Variants in SEPHS1 observed in about 807,000 individuals in gnomAD.
SEPHS1 encodes the protein zincore component SEPHS1.
A neutral mutation model predicts 39.2 loss-of-function variants in SEPHS1; 7 were observed. The ratio of observed to expected loss-of-function variants is 0.18; its 90% CI spans 0.10 to 0.34. The LOEUF (loss-of-function observed/expected upper bound fraction) is 0.34, where lower values mean the gene tolerates loss of function less well. SEPHS1 is among the 10% of genes least tolerant of loss of function. The probability of loss-of-function intolerance (pLI) is 1.00; values close to 1 mark genes in which losing one functional copy is unlikely to be tolerated. For synonymous variants in SEPHS1, 190 were observed against 195.5 expected, an observed-to-expected ratio of 0.97 and a Z score of 0.23; for missense variants, 253 against 514.5, an observed-to-expected ratio of 0.49 and a Z score of 4.92.
chr10:13,322,034 A>G (rs1258481513), intron 8 of SEPHS1: 2 of 455,778 alleles, frequency 4.4e-6, no homozygotes, highest in Admixed American at 2.4e-5. Context: ...TTTATCCTCC[A>G]TTTATGTTTC....
chr10:13,322,716 G>T, intron 8 of SEPHS1, 119 bp downstream of exon 8: 2 of 920,178 alleles, frequency 2.2e-6, no homozygotes, highest in Non-Finnish European at 3.3e-6. Context: ...CGGAGGCCGA[G>T]GTCAGCAGCA....
At chr10:13,323,114 A>G in intron 7 of SEPHS1, 67 bp from the exon 8 acceptor site, 1 of 1,268,542 alleles carries the variant, frequency 7.9e-7, no homozygotes, top group Non-Finnish European at 1.1e-6. Context: ...TTACGTCCAC[A>G]ATTAATCTGC....
rs1449652172 is a variant in SEPHS1 at position 13,329,688 on chromosome 10, G to C, written c.651+10C>G. The C allele has an allele frequency of 6.3e-7, 1 of 1,591,382 alleles. No homozygotes were observed. The highest frequency in any genetic ancestry group is 1.8e-5 in the Admixed American group (1 of 56,544). ...TCCCCTCCCTCCCATCACAGCAGTG[G>C]TTTACTCACGATATCCAGCCACTGG... On this transcript the variant is annotated intron_variant, in intron 6 of 8. Transcript: ENST00000327347.
intron 2 of SEPHS1, chr10:13,340,707 G>A (rs1833755891): frequency 6.6e-6 from 1 of 152,176 alleles, no homozygotes; most frequent in South Asian, 2.1e-4. Context: ...TTTGTAAAGC[G>A]CTTTATTTCT....
chr10:13,346,264 C>A (rs1833918318), intron 1 of SEPHS1, among the ~76,000 whole-genome samples: 1 of 152,204 alleles, frequency 6.6e-6, no homozygotes, highest in Admixed American at 6.5e-5. Context: ...AGTTTACAAA[C>A]CTCCAGACTG....
intron 3 of SEPHS1, among the ~76,000 whole-genome samples, chr10:13,337,879 A>C (rs1449867577): frequency 6.6e-6 from 1 of 152,210 alleles, no homozygotes; most frequent in Non-Finnish European, 1.5e-5. Flanking sequence ...CTGGTACCTG[A>C]GGGTGAACAC....
At chr10:13,340,662 T>C (rs1449661439) in intron 2 of SEPHS1, 3 of 152,234 alleles carry the variant, frequency 2.0e-5, no homozygotes. Context: ...TGTTCTTAAT[T>C]TGAATAATCT....
intron 4 of SEPHS1, among the ~76,000 whole-genome samples, chr10:13,334,918 C>T (rs1833581957): frequency 6.6e-6 from 1 of 152,304 alleles, no homozygotes; most frequent in East Asian, 1.9e-4. Flanking sequence ...GCTTCCTAAG[C>T]ACAGGTCCCC....
chr10:13,338,580 G>C, intron 3 of SEPHS1, 125 bp downstream of exon 3: 1 of 707,186 alleles, frequency 1.4e-6, no homozygotes, highest in Non-Finnish European at 2.4e-6. Flanking sequence ...GCAGGGTGGG[G>C]CAGTATAGTC....
chr10:13,336,689 GT>G (rs1833646389), intron 3 of SEPHS1, among the ~76,000 whole-genome samples: 1 of 152,208 alleles, frequency 6.6e-6, no homozygotes, highest in African/African-American at 2.4e-5. Context: ...GGAGAAGCAA[GT>G]TTAGAACCGA....
chr10:13,335,735 T>G (rs1307004099), intron 4 of SEPHS1, among the ~76,000 whole-genome samples: 1 of 151,558 alleles, frequency 6.6e-6, no homozygotes, highest in East Asian at 1.9e-4. Flanking sequence ...ATCCCAGCAC[T>G]TTGGGATGCC....
rs937621443 is a variant in SEPHS1 at position 13,336,474 on chromosome 10, T to G, written c.298-124A>C. ...TTTCCAGGAGTAGCAGCTACTAGGA[T>G]GGGGTCCTCAGTTTCTATGATTTGC... On this transcript the variant is annotated intron_variant, in intron 3 of 8. Transcript: ENST00000327347. 6 of 727,188 alleles carry G rather than the reference T, an allele frequency of 8.3e-6. No homozygotes were observed. The African/African-American group carries it at 1.0e-4, about 13-fold the overall frequency. The allele number at this position is 727,188 out of a possible 1,614,324, so 45.0% of individuals were successfully genotyped here.
intron 2 of SEPHS1, among the ~76,000 whole-genome samples, chr10:13,341,488 G>C (rs1413695347): frequency 7.0e-6 from 1 of 143,364 alleles, no homozygotes; most frequent in Non-Finnish European, 1.5e-5. Flanking sequence ...TTACTTGATA[G>C]CTCCTAGGCA....
At chr10:13,346,805 A>C (rs1052941289) in intron 1 of SEPHS1, among the ~76,000 whole-genome samples, 30 of 152,262 alleles carry the variant, frequency 2.0e-4, no homozygotes, top group African/African-American at 7.2e-4. Context: ...GGCTCCCAAA[A>C]AGGTGGGGAG....
At chr10:13,323,200 A>C (rs1344723888) in intron 7 of SEPHS1, among the ~76,000 whole-genome samples, 153 bp from the exon 8 acceptor site, 1 of 152,198 alleles carries the variant, frequency 6.6e-6, no homozygotes, top group African/African-American at 2.4e-5. Context: ...AGACATAGTG[A>C]AATTCCAAAA....
At chr10:13,342,785 C>G (rs1173852388) in intron 2 of SEPHS1, among the ~76,000 whole-genome samples, 3 of 151,528 alleles carry the variant, frequency 2.0e-5, no homozygotes, top group Non-Finnish European at 4.4e-5. Context: ...TCCCAGGCCG[C>G]AGTACAGTGG....
At chr10:13,334,291 A>G (rs1357415125) in intron 4 of SEPHS1, among the ~76,000 whole-genome samples, 3 of 152,322 alleles carry the variant, frequency 2.0e-5, no homozygotes, top group East Asian at 3.9e-4. Flanking sequence ...CTGTATTCCC[A>G]GCACTTTGGG....
At chr10:13,323,916 C>T (rs191457313) in intron 7 of SEPHS1, among the ~76,000 whole-genome samples, 13 of 152,156 alleles carry the variant, frequency 8.5e-5, no homozygotes, top group African/African-American at 2.9e-4. Context: ...TACAGATACA[C>T]TACATTTTGT....
chr10:13,345,763 G>A (rs1387661647), intron 1 of SEPHS1, among the ~76,000 whole-genome samples: 2 of 152,212 alleles, frequency 1.3e-5, no homozygotes, highest in African/African-American at 4.8e-5. Flanking sequence ...TGTAATCCCA[G>A]CTACTTGGGA....
Sources: gnomAD v4.1 joint callset for allele counts (sites outside exome capture counted in the v4.1 genomes callset) on GRCh38, gnomAD v4.1.1 for gene constraint, MANE v1.5 for transcripts, NCBI Gene and HGNC (gene_info 2026-07-23, HGNC 2026-07-21) for gene names.